SDK1: variants seen among roughly 807,000 people sequenced by gnomAD.
SDK1 encodes the protein sidekick cell adhesion molecule 1.
A neutral mutation model predicts 245.5 loss-of-function variants in SDK1; 157 were observed. The ratio of observed to expected loss-of-function variants is 0.64; its 90% CI spans 0.56 to 0.73. The LOEUF (loss-of-function observed/expected upper bound fraction) is 0.73. SDK1 is among the 30% of genes least tolerant of loss of function. The probability of loss-of-function intolerance (pLI) is 0.00; values close to 1 mark genes in which losing one functional copy is unlikely to be tolerated. For synonymous variants in SDK1, 1,647 were observed against 1,278.5 expected (o/e 1.29, Z -6.15); for missense variants, 3,583 against 3,002.3 (o/e 1.19, Z -4.52).
rs776980959 is a variant in SDK1, at chr7:4,012,214, T to C, written c.2399T>C (p.Val800Ala). The change falls in exon 16 of 45, where the codon GTG becomes GCG. Residue 800 changes from valine to alanine, a missense_variant. Val to Ala is a moderately conservative substitution (Grantham distance 64). Coordinates refer to ENST00000404826, the MANE Select transcript of SDK1 (RefSeq NM_152744.4). ...CCCCCAGAAACAGAGCACAACGGGG[T>C]GTTGCGTGGATACATCCTCAGGCAA... ...QPPPETEHNG[V>A]LRGYILRYRL... The C allele has an allele frequency of 3.1e-5, 48 of 1,539,532 alleles. No homozygotes were observed. The highest frequency in any genetic ancestry group is 4.0e-5 in the Non-Finnish European group (46 of 1,145,232).
chr7:3,530,536 A>T (rs1208073337), intron 1 of SDK1, among the ~76,000 whole-genome samples: 1 of 152,240 alleles, frequency 6.6e-6, no homozygotes, highest in Non-Finnish European at 1.5e-5. Flanking sequence ...AAATTCACTC[A>T]TGCTTTGTAA....
intron 2 of SDK1, among the ~76,000 whole-genome samples, chr7:3,624,405 C>T (rs558670228): frequency 6.6e-6 from 1 of 152,128 alleles, no homozygotes; most frequent in Non-Finnish European, 1.5e-5. Flanking sequence ...CACTGTGTTG[C>T]CTAGGCTGGT....
chr7:3,313,516 A>G (rs1779597558), intron 1 of SDK1, among the ~76,000 whole-genome samples: 1 of 152,234 alleles, frequency 6.6e-6, no homozygotes, highest in African/African-American at 2.4e-5. Context: ...GGAGTGAGGT[A>G]CAGATTGTAA....
In SDK1 at chr7:4,245,749, GTGCTGACCGAGAGCGTGAGCC is replaced by G. The variant is rs770066991; in HGVS notation, c.6327_6347del (p.Leu2110_Leu2116del). 4 of 1,614,038 alleles carry G rather than the reference GTGCTGACCGAGAGCGTGAGCC, an allele frequency of 2.5e-6. No individual in the cohort carries two copies. The East Asian group carries it at 8.9e-5, about 36-fold the overall frequency. On this transcript the variant is annotated inframe_deletion, in exon 44 of 45. Transcript: ENST00000404826. The stretch of plus-strand genomic sequence containing the variant: ...CATCTGCAACAAGTACAACGGCGCC[GTGCTGACCGAGAGCGTGAGCC>G]TCAAGGAGAAGTCGGCAGATGCATC...
chr7:3,426,166 G>C (rs947912925), intron 1 of SDK1, among the ~76,000 whole-genome samples: 10 of 152,166 alleles, frequency 6.6e-5, no homozygotes, highest in Non-Finnish European at 1.3e-4. Context: ...TTTTTGAAGA[G>C]AACTTTTATG....
intron 44 of SDK1, among the ~76,000 whole-genome samples, chr7:4,263,989 G>A (rs1477863609): frequency 6.5e-4 from 1 of 1,528 alleles, no homozygotes; most frequent in East Asian, 0.016. Flanking sequence ...GGGAGGCCGC[G>A]TAGACCTCTC....
intron 2 of SDK1, among the ~76,000 whole-genome samples, chr7:3,633,371 G>A (rs1234239142): frequency 1.3e-5 from 2 of 152,096 alleles, no homozygotes; most frequent in African/African-American, 2.4e-5. Context: ...CTGCACTGAC[G>A]CTGTGGTTTT....
intron 4 of SDK1, among the ~76,000 whole-genome samples, chr7:3,654,376 C>T (rs774586279): frequency 1.3e-5 from 2 of 152,172 alleles, no homozygotes; most frequent in Non-Finnish European, 2.9e-5. Context: ...TGCTGATGAG[C>T]TCCCTGTCAC....
intron 21 of SDK1, among the ~76,000 whole-genome samples, chr7:4,078,648 C>T (rs6969310): frequency 0.068 from 10,427 of 152,228 alleles, 526 homozygotes; most frequent in South Asian, 0.19. Context: ...ATCCCCTTAT[C>T]TTTCTCTAGA....
In SDK1 at chr7:4,267,244, TCCTCCCTC is replaced by T. The variant is rs925047505; in HGVS notation, c.*1870_*1877del. 32 of 791,178 alleles carry T rather than the reference TCCTCCCTC, an allele frequency of 4.0e-5. No individual in the cohort carries two copies. In the Admixed American group the frequency reaches 1.2e-3, roughly 28 times the overall value. The allele number at this position is 791,178 out of a possible 1,614,324, so 49.0% of individuals were successfully genotyped here. A position where few individuals can be genotyped will look rare whatever the true frequency, so the allele number is the denominator to read the frequency against. Reference sequence around the variant, plus strand: ...TTCCTTCCTCCCTTCCTCTCTTCTTTCCTCCCTCCCTCCCTCCTTCCCTCCCTTCCTTC... The same window carrying T: ...TTCCTTCCTCCCTTCCTCTCTTCTTTCCTCCCTCCTTCCCTCCCTTCCTTC... On this transcript the variant is annotated 3_prime_UTR_variant, in exon 45 of 45. Transcript: ENST00000404826.
intron 28 of SDK1, among the ~76,000 whole-genome samples, chr7:4,139,079 A>G (rs555857385): frequency 6.6e-6 from 1 of 152,182 alleles, no homozygotes; most frequent in Non-Finnish European, 1.5e-5. Context: ...GGACGAGGCT[A>G]ACAGGTTCTC....
chr7:3,445,872 T>C (rs897461007), intron 1 of SDK1, among the ~76,000 whole-genome samples: 2 of 152,154 alleles, frequency 1.3e-5, no homozygotes, highest in African/African-American at 2.4e-5. Context: ...TCCTTCCTGA[T>C]GTTCTAATAT....
At chr7:3,488,860 T>G (rs1348986252) in intron 1 of SDK1, among the ~76,000 whole-genome samples, 1 of 151,968 alleles carries the variant, frequency 6.6e-6, no homozygotes, top group African/African-American at 2.4e-5. Flanking sequence ...AGAGGTTGCA[T>G]GTCCCCTTTC....
intron 5 of SDK1, among the ~76,000 whole-genome samples, chr7:3,825,563 A>G (rs368598887): frequency 1.3e-5 from 2 of 152,098 alleles, no homozygotes; most frequent in African/African-American, 4.8e-5. Flanking sequence ...TTCAAACAAC[A>G]TTTGCAGATA....
At chr7:3,787,159 C>CACAT (rs1780927655) in intron 4 of SDK1, among the ~76,000 whole-genome samples, 1 of 150,860 alleles carries the variant, frequency 6.6e-6, no homozygotes, top group Admixed American at 6.6e-5. Flanking sequence ...CACACACACA[C>CACAT]ACACACACAC....
chr7:4,059,830 C>A (rs1359194567), intron 19 of SDK1, among the ~76,000 whole-genome samples: 1 of 151,882 alleles, frequency 6.6e-6, no homozygotes, highest in Non-Finnish European at 1.5e-5. Context: ...TAGCATGCTC[C>A]TGAATGACCT....
chr7:3,798,871 C>G (rs1332769063), intron 4 of SDK1, among the ~76,000 whole-genome samples: 1 of 152,182 alleles, frequency 6.6e-6, no homozygotes, highest in Non-Finnish European at 1.5e-5. Context: ...GGAGGTTATG[C>G]ACATACTCTG....
chr7:3,788,975 G>C (rs986504945), intron 4 of SDK1, among the ~76,000 whole-genome samples: 1 of 152,184 alleles, frequency 6.6e-6, no homozygotes, highest in Non-Finnish European at 1.5e-5. Flanking sequence ...TGTTCCCTGA[G>C]CATGGGTTGT....
At chr7:3,474,122 T>TG (rs1781269147) in intron 1 of SDK1, among the ~76,000 whole-genome samples, 1 of 116,562 alleles carries the variant, frequency 8.6e-6, no homozygotes, top group African/African-American at 3.3e-5. Flanking sequence ...TTTTTTTTTT[T>TG]GAGACCGTGT....
Sources: gnomAD v4.1 joint callset for allele counts (sites outside exome capture counted in the v4.1 genomes callset) on GRCh38, gnomAD v4.1.1 for gene constraint, MANE v1.5 for transcripts, NCBI Gene and HGNC (gene_info 2026-07-23, HGNC 2026-07-21) for gene names.